The following DIAPH1 variants were observed in gnomAD, a reference collection of about 807,000 sequenced individuals.
DIAPH1 encodes diaphanous related formin 1, also known as protein diaphanous homolog 1.
Under a neutral mutation model 140.7 loss-of-function variants are expected in DIAPH1, and 46 were observed. The observed-to-expected ratio is 0.33, with a 90% CI of 0.26 to 0.42. The LOEUF (loss-of-function observed/expected upper bound fraction) is 0.42, where lower values mean the gene tolerates loss of function less well. Ranked by LOEUF, DIAPH1 falls within the 10% of genes least tolerant of loss-of-function variation. The pLI is 1.00. For synonymous variants in DIAPH1, 565 were observed against 551.6 expected (o/e 1.02, Z -0.34); for missense variants, 1,310 against 1,558.7 (o/e 0.84, Z 2.69).
Position 141,588,249 on chromosome 5 carries a change from G to T in DIAPH1, c.119C>A (p.Thr40Asn), listed in dbSNP as rs1437971317. The T allele has an allele frequency of 6.2e-7, 1 of 1,611,888 alleles. No individual in the cohort carries two copies. Among genetic ancestry groups the T allele is most frequent in the Admixed American group, 1.7e-5 (1 of 59,948 alleles). The change falls in exon 2 of 28, where the codon ACT (threonine) becomes AAT (asparagine). Residue 40 changes from threonine (T) to asparagine (N), a missense_variant and splice_region_variant. Coordinates refer to ENST00000389054, the MANE Select transcript of DIAPH1 (RefSeq NM_005219.5). The stretch of plus-strand genomic sequence containing the variant: ...CTCATCTGCCATGAGCCGCTTCAGA[G>T]TCTAGGAAACAGGAAAAAGGAGGGA... ...GGDGGKSKKF[T>N]LKRLMADELE... is the part of the protein sequence containing the mutation.
intron 18 of DIAPH1, among the ~76,000 whole-genome samples, chr5:141,542,151 C>T (rs1455948162): frequency 6.6e-6 from 1 of 152,110 alleles, no homozygotes; most frequent in Non-Finnish European, 1.5e-5. Flanking sequence ...GTCTAACTGT[C>T]CACCAGGCGC....
intron 27 of DIAPH1, among the ~76,000 whole-genome samples, chr5:141,517,323 T>C (rs2099885839): frequency 6.6e-6 from 1 of 152,320 alleles, no homozygotes; most frequent in East Asian, 1.9e-4. Context: ...TAAGGAGAGA[T>C]GAAGTATTCA....
chr5:141,611,063 AT>A (rs2154597338), intron 1 of DIAPH1, among the ~76,000 whole-genome samples: 1 of 152,108 alleles, frequency 6.6e-6, no homozygotes, highest in Admixed American at 6.6e-5. Context: ...TGCACTCCAG[AT>A]TGGGTGACAG....
intron 18 of DIAPH1, among the ~76,000 whole-genome samples, chr5:141,551,395 AC>A (rs1356851950): frequency 6.6e-6 from 1 of 152,186 alleles, no homozygotes; most frequent in Admixed American, 6.5e-5. Context: ...GTTCAAGGTT[AC>A]AGTGTCACCA....
At chr5:141,572,560 G>T (rs1274978769) in intron 16 of DIAPH1, among the ~76,000 whole-genome samples, 3 of 152,178 alleles carry the variant, frequency 2.0e-5, no homozygotes, top group African/African-American at 7.2e-5. Flanking sequence ...CCAGCACTCT[G>T]GGAGGCCAAG....
At chr5:141,534,478 C>T in intron 18 of DIAPH1, 45 bp from the exon 19 acceptor site, 2 of 1,521,438 alleles carry the variant, frequency 1.3e-6, no homozygotes, top group Non-Finnish European at 1.8e-6. Context: ...AGTAAGCCAC[C>T]TCTGTGCTTT....
intron 18 of DIAPH1, among the ~76,000 whole-genome samples, chr5:141,554,476 C>A (rs1285646601): frequency 1.3e-5 from 2 of 152,028 alleles, no homozygotes; most frequent in African/African-American, 4.8e-5. Context: ...GCTATTATTT[C>A]AAACACTCAA....
chr5:141,539,388 T>C (rs1468492168), intron 18 of DIAPH1, among the ~76,000 whole-genome samples: 1 of 151,748 alleles, frequency 6.6e-6, no homozygotes, highest in East Asian at 1.9e-4. Context: ...GCAGTGAAGA[T>C]ATCTGGGCCT....
intron 18 of DIAPH1, among the ~76,000 whole-genome samples, chr5:141,549,167 TTAAA>T (rs1268891450): frequency 2.0e-5 from 3 of 152,040 alleles, no homozygotes; most frequent in Admixed American, 6.6e-5. Flanking sequence ...GGGACACACC[TTAAA>T]TAAAGACACA....
At chr5:141,616,726 G>A (rs1467683556) in intron 1 of DIAPH1, among the ~76,000 whole-genome samples, 1 of 152,172 alleles carries the variant, frequency 6.6e-6, no homozygotes, top group Non-Finnish European at 1.5e-5. Context: ...CAATTCCGTA[G>A]CTACTAATGC....
intron 1 of DIAPH1, among the ~76,000 whole-genome samples, chr5:141,609,204 A>G (rs1419729911): frequency 2.0e-5 from 3 of 150,820 alleles, no homozygotes; most frequent in Non-Finnish European, 2.9e-5. Context: ...TTTAGCCACT[A>G]CGCTTTTTAC....
intron 1 of DIAPH1, among the ~76,000 whole-genome samples, chr5:141,616,311 T>C (rs1464043300): frequency 2.0e-5 from 3 of 152,236 alleles, no homozygotes; most frequent in Non-Finnish European, 2.9e-5. Flanking sequence ...AGGAAAGGTA[T>C]GTAGCAGCTA....
At chr5:141,592,364 AC>A (rs1424555788) in intron 1 of DIAPH1, among the ~76,000 whole-genome samples, 1 of 152,162 alleles carries the variant, frequency 6.6e-6, no homozygotes. Flanking sequence ...CTTAGTTAAT[AC>A]TATGTGTGTT....
At chr5:141,539,895 A>C (rs1158533792) in intron 18 of DIAPH1, among the ~76,000 whole-genome samples, 3 of 142,420 alleles carry the variant, frequency 2.1e-5, no homozygotes, top group African/African-American at 7.8e-5. Flanking sequence ...GATTGTCTCT[A>C]TTTTTTTTTT....
intron 1 of DIAPH1, among the ~76,000 whole-genome samples, chr5:141,605,851 G>C (rs781370014): frequency 7.9e-5 from 12 of 152,174 alleles, no homozygotes; most frequent in Non-Finnish European, 1.6e-4. Context: ...TTCTTCTTGC[G>C]GTTTCAATCA....
chr5:141,552,505 G>A (rs2099891859), intron 18 of DIAPH1, among the ~76,000 whole-genome samples: 2 of 152,160 alleles, frequency 1.3e-5, no homozygotes, highest in Non-Finnish European at 2.9e-5. Context: ...ATCTGGGCAG[G>A]CATTAGACAT....
chr5:141,574,960 G>T lies in DIAPH1; in HGVS notation c.1641+7C>A, dbSNP rs1284880934. 1.2e-6 allele frequency: 2 copies of T among 1,613,936 alleles called. No homozygotes were observed. The highest frequency in any genetic ancestry group is 1.7e-6 in the Non-Finnish European group (2 of 1,179,994). On this transcript the variant is annotated splice_region_variant and intron_variant, in intron 15 of 27. Transcript: ENST00000389054. Reference sequence around the variant, plus strand: ...AGGTCATTCTGCCTTCCCTGCTCAGGCATTACCTCTCCTGTGAGCTGGGAC... The same window carrying T: ...AGGTCATTCTGCCTTCCCTGCTCAGTCATTACCTCTCCTGTGAGCTGGGAC...
At chr5:141,547,294 T>C (rs1313580162) in intron 18 of DIAPH1, among the ~76,000 whole-genome samples, 1 of 152,010 alleles carries the variant, frequency 6.6e-6, no homozygotes, top group Non-Finnish European at 1.5e-5. Context: ...TGAAACCCCA[T>C]CTCTACTTAA....
At chr5:141,574,902 T>C in intron 15 of DIAPH1, 65 bp downstream of exon 15, 1 of 1,577,448 alleles carries the variant, frequency 6.3e-7, no homozygotes, top group Non-Finnish European at 8.7e-7. Flanking sequence ...GATGACTGAC[T>C]CCTGTTCCAA....
Sources: gnomAD v4.1 joint callset for allele counts (sites outside exome capture counted in the v4.1 genomes callset) on GRCh38, gnomAD v4.1.1 for gene constraint, MANE v1.5 for transcripts, NCBI Gene and HGNC (gene_info 2026-07-23, HGNC 2026-07-21) for gene names.